The following LIMS2 variants were observed in gnomAD, a reference collection of about 807,000 sequenced individuals.
LIMS2 encodes LIM zinc finger domain containing 2.
LIMS2 carries 30 observed loss-of-function variants against 45.3 expected under a neutral mutation model. The ratio of observed to expected loss-of-function variants is 0.66; its 90% CI spans 0.50 to 0.90. The LOEUF is 0.90. Ranked by LOEUF, LIMS2 falls within the 40% of genes least tolerant of loss-of-function variation. The pLI is 0.00. For synonymous variants in LIMS2, 173 were observed against 188.0 expected (o/e 0.92, Z 0.65); for missense variants, 485 against 468.7 (o/e 1.03, Z -0.32).
chr2:127,675,040 GAGCCCT>G lies in LIMS2; in HGVS notation c.-22_-17del. ...TTCCCGTCATGGTGGCAGCGACGCC[GAGCCCT>G]GGGTTGCCGGGGTTGCCGCGGGTCT... On this transcript the variant is annotated 5_prime_UTR_variant, in exon 1 of 10. Coordinates refer to ENST00000355119, the MANE Select transcript of LIMS2 (RefSeq NM_001161403.3). 1.6e-6 allele frequency: 2 copies of G among 1,228,896 alleles called. No individual in the cohort carries two copies. The allele number at this position is 1,228,896 out of a possible 1,614,324, so 76.1% of individuals were successfully genotyped here. A position where few individuals can be genotyped will look rare whatever the true frequency, so the allele number is the denominator to read the frequency against.
At position 127,660,298 on chromosome 2, in the gene LIMS2, A is replaced by C. The variant is rs865928424; in HGVS notation, c.12-2736T>G. On this transcript the variant is annotated intron_variant, in intron 1 of 9. Transcript: ENST00000355119. ...TAAGGGAATAAAACCAGGCCACTCG[A>C]ACCCACAGCAGCAACCAGTTGGGGT... 3.3e-5 allele frequency among the ~76,000 whole-genome samples: 5 copies of C among 152,346 alleles called. No individual in the cohort carries two copies. In the Middle Eastern group the frequency reaches 0.014, roughly 415 times the overall value.
intron 4 of LIMS2, chr2:127,651,708 G>A (rs78078469): frequency 1.2e-5 from 19 of 1,612,956 alleles, no homozygotes; most frequent in Middle Eastern, 1.6e-4. Context: ...CCCCAGCTTC[G>A]AAGGGAAAAC....
intron 1 of LIMS2, among the ~76,000 whole-genome samples, chr2:127,666,162 T>C (rs1177709970): frequency 1.3e-5 from 2 of 151,878 alleles, no homozygotes; most frequent in African/African-American, 4.8e-5. Flanking sequence ...CAAATGGGAT[T>C]TGGTTCAGTG....
chr2:127,651,696 C>T (rs917560443), intron 4 of LIMS2: 2 of 1,613,140 alleles, frequency 1.2e-6, no homozygotes, highest in Non-Finnish European at 1.7e-6. Context: ...CAAGGGCCCG[C>T]CCCCCAGCTT....
At chr2:127,656,188 T>C (rs1163151243) in intron 2 of LIMS2, 1 of 152,230 alleles carries the variant, frequency 6.6e-6, no homozygotes, top group African/African-American at 2.4e-5. Flanking sequence ...TGTACGCTGA[T>C]ATAATTTAAT....
chr2:127,639,420 A>C lies in LIMS2; in HGVS notation c.887T>G (p.Phe296Cys), dbSNP rs149922878. ...CNSKLTLKNK[F>C]VEFDMKPVCK... ...CACGGGCTTCATGTCGAACTCCACA[A>C]ACTTGTTCCTGAGGAGGAAGCTGAG... is the stretch of plus-strand genomic sequence containing the variant. Residue 296 changes from phenylalanine to cysteine, a missense_variant, in exon 10 of 10, where the codon TTT becomes TGT. Phe to Cys is a radical substitution (Grantham distance 205). Transcript: ENST00000355119. 6.2e-7 allele frequency: 1 copy of C among 1,613,696 alleles called. No individual in the cohort carries two copies. Among genetic ancestry groups the C allele is most frequent in the South Asian group, 1.1e-5 (1 of 91,072 alleles).
rs1316044453 is a variant in LIMS2, at chr2:127,664,846, G to A, written c.12-7284C>T. 2.6e-5 allele frequency among the ~76,000 whole-genome samples: 4 copies of A among 152,176 alleles called. No individual in the cohort carries two copies. Among genetic ancestry groups the A allele is most frequent in the African/African-American group, 4.8e-5 (2 of 41,454 alleles). On this transcript the variant is annotated intron_variant, in intron 1 of 9. Transcript: ENST00000355119. This position sits in a 1 kb window ranked among gnomAD's most constrained non-coding sequence, Gnocchi z 5.5. Reference sequence around the variant, plus strand: ...CCTTTAGGATCCCTGCCAACAGTTAGGAAACCGAGGACCGGAGCCACACAG... The same window carrying A: ...CCTTTAGGATCCCTGCCAACAGTTAAGAAACCGAGGACCGGAGCCACACAG...
At chr2:127,645,046 T>C (rs1682815571) in intron 4 of LIMS2, among the ~76,000 whole-genome samples, 1 of 152,220 alleles carries the variant, frequency 6.6e-6, no homozygotes, top group Non-Finnish European at 1.5e-5. Context: ...CTAAGAATTC[T>C]AAATTCAAAA....
intron 4 of LIMS2, chr2:127,651,946 C>T (rs1406431438): frequency 1.6e-6 from 1 of 629,180 alleles, no homozygotes; most frequent in African/African-American, 1.8e-5. Flanking sequence ...CATCGGCCAC[C>T]CCTCTGCAGG....
chr2:127,650,147 A>G (rs1683579589), intron 4 of LIMS2: 1 of 1,377,414 alleles, frequency 7.3e-7, no homozygotes, highest in South Asian at 1.2e-5. Flanking sequence ...CACCCTCCTA[A>G]GTGCCAGGGG....
In LIMS2 at chr2:127,671,958, C is replaced by A. The variant is rs950562872; in HGVS notation, c.11+3056G>T. Among the ~76,000 whole-genome samples, 1 of 152,242 alleles carries A rather than the reference C, an allele frequency of 6.6e-6. No individual in the cohort carries two copies. The highest frequency in any genetic ancestry group is 6.5e-5 in the Admixed American group (1 of 15,286). On this transcript the variant is annotated intron_variant, in intron 1 of 9. Coordinates refer to ENST00000355119, the MANE Select transcript of LIMS2 (RefSeq NM_001161403.3). The surrounding 1 kb of genome is among the most constrained non-coding windows in gnomAD (Gnocchi z 4.1). ...CTTCTGCCTAGGGGACCACCGGGCA[C>A]ACTCCTCACCCGGAGGAGGGGCAAG...
At position 127,671,459 on chromosome 2, in the gene LIMS2, G is replaced by A. The variant is rs1163053501; in HGVS notation, c.11+3555C>T. On this transcript the variant is annotated intron_variant, in intron 1 of 9. Coordinates refer to ENST00000355119, the MANE Select transcript of LIMS2 (RefSeq NM_001161403.3). The surrounding 1 kb of genome is among the most constrained non-coding windows in gnomAD (Gnocchi z 4.1). ...AAAAAAAAAAAAAGAGCCTGCATGC[G>A]GCACAGCACAGATAGGGACAGACAG... 6.6e-5 allele frequency among the ~76,000 whole-genome samples: 10 copies of A among 151,650 alleles called. No individual in the cohort carries two copies. The highest frequency in any genetic ancestry group is 3.9e-4 in the Admixed American group (6 of 15,234).
At chr2:127,649,746 T>C (rs1198052356) in intron 4 of LIMS2, among the ~76,000 whole-genome samples, 2 of 152,186 alleles carry the variant, frequency 1.3e-5, no homozygotes, top group Admixed American at 6.5e-5. Flanking sequence ...CAGACGGACA[T>C]GACTTGTTAC....
At chr2:127,651,769 T>C in intron 4 of LIMS2, 2 of 1,607,772 alleles carry the variant, frequency 1.2e-6, no homozygotes, top group Non-Finnish European at 1.7e-6. Context: ...GGGGGCGCCG[T>C]CCAGGCCGAG....
chr2:127,655,099 C>A, intron 2 of LIMS2: 2 of 638,496 alleles, frequency 3.1e-6, no homozygotes, highest in South Asian at 3.6e-5. Context: ...AAGGGAGGTG[C>A]CCCCGTGGAA....
chr2:127,645,140 G>A (rs1269334554), intron 4 of LIMS2, among the ~76,000 whole-genome samples: 1 of 152,178 alleles, frequency 6.6e-6, no homozygotes, highest in Non-Finnish European at 1.5e-5. Flanking sequence ...TGGCTCTGTT[G>A]CTTCCTACTG....
Position 127,664,391 on chromosome 2 carries a change from C to T in LIMS2, c.12-6829G>A, listed in dbSNP as rs762835081. Reference sequence around the variant, plus strand: ...AGCGCACCCAGCCGGGCCGCCATGGCGCGGGGCAGCCGCCTTGAGGTCGCG... The same window carrying T: ...AGCGCACCCAGCCGGGCCGCCATGGTGCGGGGCAGCCGCCTTGAGGTCGCG... On this transcript the variant is annotated intron_variant, in intron 1 of 9. Transcript: ENST00000355119. The surrounding 1 kb of genome is among the most constrained non-coding windows in gnomAD (Gnocchi z 5.5). 31 of 1,205,342 alleles carry T rather than the reference C, an allele frequency of 2.6e-5. No individual in the cohort carries two copies. Among genetic ancestry groups the T allele is most frequent in the Non-Finnish European group, 3.0e-5 (29 of 971,140 alleles). The allele number at this position is 1,205,342 out of a possible 1,614,324, so 74.7% of individuals were successfully genotyped here.
intron 1 of LIMS2, among the ~76,000 whole-genome samples, chr2:127,665,898 G>A (rs17262027): frequency 0.055 from 8,318 of 152,260 alleles, 344 homozygotes; most frequent in African/African-American, 0.1. Context: ...AGTGTTTTGT[G>A]CAACATAATC....
chr2:127,650,661 C>G (rs190276581), intron 4 of LIMS2: 2 of 1,246,140 alleles, frequency 1.6e-6, no homozygotes, highest in East Asian at 2.3e-5. Flanking sequence ...CTTCAGAGAG[C>G]GTGAAGCTGC....
Sources: allele counts gnomAD v4.1 joint callset (sites outside exome capture counted in the v4.1 genomes callset), GRCh38; gene constraint gnomAD v4.1.1; non-coding constraint Gnocchi (gnomAD v3.1); transcripts MANE v1.5; gene names NCBI Gene and HGNC (gene_info 2026-07-23, HGNC 2026-07-21).